Variants in C3orf22 observed in about 807,000 individuals in gnomAD.
C3orf22 encodes the protein uncharacterized protein C3orf22.
C3orf22 carries 7 observed loss-of-function variants against 10.8 expected under a neutral mutation model. The observed-to-expected ratio is 0.65, with a 90% confidence interval of 0.37 to 1.22. The LOEUF is 1.22. Among genes scored for constraint, C3orf22 ranks in the 50% most tolerant of loss-of-function variants. The probability of loss-of-function intolerance (pLI) is 0.02; values close to 1 mark genes in which losing one functional copy is unlikely to be tolerated. For synonymous variants in C3orf22, 79 were observed against 78.9 expected (o/e 1.00, Z 0.00); for missense variants, 173 against 177.0 (o/e 0.98, Z 0.13).
intron 4 of C3orf22, chr3:126,541,687 G>A: frequency 7.2e-7 from 1 of 1,385,634 alleles, no homozygotes; most frequent in Non-Finnish European, 9.3e-7. Context: ...CAGGGAGCCC[G>A]CGCTGCCCTG....
At chr3:126,535,944 G>A (rs534385259) in intron 4 of C3orf22, among the ~76,000 whole-genome samples, 3 of 152,356 alleles carry the variant, frequency 2.0e-5, no homozygotes, top group African/African-American at 7.2e-5. Context: ...GATGGCAGTG[G>A]GTGAGTTTGG....
intron 4 of C3orf22, chr3:126,541,616 G>A (rs1038058598): frequency 2.0e-6 from 2 of 991,866 alleles, no homozygotes; most frequent in Non-Finnish European, 2.8e-6. Context: ...TCGAATTTGG[G>A]TGCCCGGCGC....
intron 2 of C3orf22, among the ~76,000 whole-genome samples, chr3:126,552,555 A>G (rs1937218290): frequency 6.6e-6 from 1 of 152,142 alleles, no homozygotes; most frequent in Admixed American, 6.5e-5. Context: ...AAGGACAAGA[A>G]CAGGTGCTCA....
chr3:126,549,223 T>C (rs1179475357), downstream of C3orf22, among the ~76,000 whole-genome samples: 1 of 135,490 alleles, frequency 7.4e-6, no homozygotes, highest in African/African-American at 2.7e-5. Context: ...TCCTCAAAGG[T>C]AATGATTGCT....
intron 3 of C3orf22, among the ~76,000 whole-genome samples, chr3:126,551,048 CG>C (rs1188994167): frequency 6.6e-6 from 1 of 152,230 alleles, no homozygotes; most frequent in African/African-American, 2.4e-5. Context: ...AGCCGAACTA[CG>C]GGGAGTGAGG....
At chr3:126,557,096 ACACT>A (rs771915960) in intron 1 of C3orf22, among the ~76,000 whole-genome samples, 3 of 152,048 alleles carry the variant, frequency 2.0e-5, no homozygotes, top group East Asian at 1.9e-4. Context: ...ACACAGATTC[ACACT>A]CACACACAGA....
In C3orf22 at chr3:126,550,284, C is replaced by A. The variant is rs142123916; in HGVS notation, c.216-206G>T. On this transcript the variant is annotated intron_variant, in intron 3 of 3. Coordinates refer to ENST00000318225, the MANE Select transcript of C3orf22 (RefSeq NM_152533.3). Reference sequence around the variant, plus strand: ...ATGGGGGCACCGCACACTCACCCCCCCACACAGGCTCCTCCAGCCACCTGA... The same window carrying A: ...ATGGGGGCACCGCACACTCACCCCCACACACAGGCTCCTCCAGCCACCTGA... 3.7e-3 allele frequency among the ~76,000 whole-genome samples: 569 copies of A among 152,264 alleles called. 2 individuals carry two copies. The highest frequency in any genetic ancestry group is 0.012 in the African/African-American group (511 of 41,554).
downstream of C3orf22, among the ~76,000 whole-genome samples, chr3:126,548,642 C>T (rs948090624): frequency 6.6e-6 from 1 of 152,184 alleles, no homozygotes; most frequent in Non-Finnish European, 1.5e-5. Flanking sequence ...GCTGTGAGTC[C>T]CCTGCCTGGA....
chr3:126,535,649 C>T (rs1412761378), intron 4 of C3orf22, among the ~76,000 whole-genome samples: 1 of 152,202 alleles, frequency 6.6e-6, no homozygotes, highest in Admixed American at 6.5e-5. Flanking sequence ...GACAGCATCA[C>T]TGTCCTCAGC....
chr3:126,547,258 G>C (rs189656492), downstream of C3orf22, among the ~76,000 whole-genome samples: 163 of 152,338 alleles, frequency 1.1e-3, no homozygotes, highest in Middle Eastern at 0.041. Context: ...AAAGTTTATG[G>C]AGTAGCTGTG....
At chr3:126,533,342 T>TGG (rs1936696884) in intron 4 of C3orf22, among the ~76,000 whole-genome samples, 1 of 152,170 alleles carries the variant, frequency 6.6e-6, no homozygotes, top group Non-Finnish European at 1.5e-5. Context: ...CTTTCACTAT[T>TGG]AAGTTATCTG....
At chr3:126,547,210 GC>G (rs1413188308), downstream of C3orf22, among the ~76,000 whole-genome samples, 1 of 152,178 alleles carries the variant, frequency 6.6e-6, no homozygotes, top group Non-Finnish European at 1.5e-5. Context: ...AGGGCACAGG[GC>G]CCATGTTGCT....
chr3:126,553,883 G>A (rs1937263206), intron 1 of C3orf22, among the ~76,000 whole-genome samples: 1 of 152,248 alleles, frequency 6.6e-6, no homozygotes, highest in Non-Finnish European at 1.5e-5. Flanking sequence ...GTGCGGTTGT[G>A]CAGCTTCTCA....
chr3:126,553,018 G>A (rs1937234936), intron 2 of C3orf22, among the ~76,000 whole-genome samples: 1 of 152,256 alleles, frequency 6.6e-6, no homozygotes, highest in African/African-American at 2.4e-5. Context: ...AGGAGGGGCA[G>A]TCGTCTGTGG....
intron 4 of C3orf22, among the ~76,000 whole-genome samples, chr3:126,543,725 CAT>C (rs1372218908): frequency 7.1e-6 from 1 of 141,310 alleles, no homozygotes; most frequent in Non-Finnish European, 1.6e-5. Flanking sequence ...TGCATGTGTG[CAT>C]GAGTGTGTGA....
intron 1 of C3orf22, among the ~76,000 whole-genome samples, chr3:126,555,780 C>A (rs948686216): frequency 6.6e-6 from 1 of 152,196 alleles, no homozygotes; most frequent in South Asian, 2.1e-4. Context: ...CCCTTGCCAG[C>A]CACCCCCTAC....
At chr3:126,552,781 G>A (rs960867833) in intron 2 of C3orf22, among the ~76,000 whole-genome samples, 1 of 152,230 alleles carries the variant, frequency 6.6e-6, no homozygotes, top group Non-Finnish European at 1.5e-5. Flanking sequence ...GCCAGGTGCT[G>A]CCTGCTGTCC....
At chr3:126,538,249 A>C (rs1198030579) in intron 4 of C3orf22, among the ~76,000 whole-genome samples, 1 of 152,248 alleles carries the variant, frequency 6.6e-6, no homozygotes, top group Non-Finnish European at 1.5e-5. Context: ...GCTGCCCACC[A>C]TCGTCCTCCG....
intron 1 of C3orf22, among the ~76,000 whole-genome samples, chr3:126,555,205 C>T (rs563754571): frequency 1.3e-5 from 2 of 152,344 alleles, no homozygotes; most frequent in East Asian, 1.9e-4. Flanking sequence ...CTCCTGTCCT[C>T]TCTCAGGAAG....
Sources: allele counts gnomAD v4.1 joint callset (sites outside exome capture counted in the v4.1 genomes callset), GRCh38; gene constraint gnomAD v4.1.1; transcripts MANE v1.5; gene names NCBI Gene and HGNC (gene_info 2026-07-23, HGNC 2026-07-21).